The following DNAJC15 variants were observed in gnomAD, a reference collection of about 807,000 sequenced individuals.
DNAJC15 encodes the protein DnaJ heat shock protein family (Hsp40) member C15.
A neutral mutation model predicts 22.4 loss-of-function variants in DNAJC15; 27 were observed. The observed-to-expected ratio is 1.20, with a 90% CI of 0.89 to 1.66. The LOEUF (loss-of-function observed/expected upper bound fraction) is 1.66, where lower values mean the gene tolerates loss of function less well. Among genes scored for constraint, DNAJC15 ranks in the 40% most tolerant of loss-of-function variants. DNAJC15 has a pLI of 0.00. For missense variants in DNAJC15, 208 were observed against 187.1 expected (o/e 1.11, Z -0.65); for synonymous variants, 79 against 63.2 (o/e 1.25, Z -1.19).
chr13:43,049,831 A>G (rs1314497136), intron 1 of DNAJC15, among the ~76,000 whole-genome samples: 1 of 152,266 alleles, frequency 6.6e-6, no homozygotes, highest in Non-Finnish European at 1.5e-5. Flanking sequence ...TTTTTAGCAA[A>G]TAAAAAAATG....
At chr13:43,026,239 A>G (rs941452740) in intron 1 of DNAJC15, among the ~76,000 whole-genome samples, 2 of 152,236 alleles carry the variant, frequency 1.3e-5, no homozygotes, top group Non-Finnish European at 2.9e-5. Context: ...AAAACAGTGT[A>G]ATAATGATAT....
chr13:43,041,866 C>T (rs975720872), intron 1 of DNAJC15, among the ~76,000 whole-genome samples: 5 of 152,218 alleles, frequency 3.3e-5, no homozygotes, highest in African/African-American at 1.2e-4. Flanking sequence ...ATGAAGCCTA[C>T]CTCTTGCCTT....
In DNAJC15 at chr13:43,108,834, T is replaced by C. The variant is rs1217936940; in HGVS notation, c.*1586T>C. On this transcript the variant is annotated 3_prime_UTR_variant, in exon 6 of 6. Transcript: ENST00000379221. ...TTAATTACTATTTTTTCTTTTGGTT[T>C]ATAAAATAATGATCCTGAATTAAAT... 6.6e-6 allele frequency: 1 copy of C among 152,222 alleles called. No individual in the cohort carries two copies. Among genetic ancestry groups the C allele is most frequent in the Non-Finnish European group, 1.5e-5 (1 of 68,034 alleles). The allele number at this position is 152,222 out of a possible 1,614,324, so 9.4% of individuals were successfully genotyped here.
At chr13:43,058,467 C>T (rs2153440555) in intron 1 of DNAJC15, among the ~76,000 whole-genome samples, 1 of 152,202 alleles carries the variant, frequency 6.6e-6, no homozygotes, top group Non-Finnish European at 1.5e-5. Flanking sequence ...TGTCCTTGGG[C>T]AGGGCTTGCT....
intron 5 of DNAJC15, 35 bp from the exon 6 acceptor site, chr13:43,107,143 A>C: frequency 3.3e-6 from 5 of 1,514,462 alleles, no homozygotes; most frequent in Non-Finnish European, 4.4e-6. Flanking sequence ...TCAATGATGA[A>C]ATGTATTTTA....
chr13:43,045,853 C>T (rs1033919155), intron 1 of DNAJC15, among the ~76,000 whole-genome samples: 5 of 152,260 alleles, frequency 3.3e-5, no homozygotes, highest in Admixed American at 6.5e-5. Flanking sequence ...CAAATCACTG[C>T]GTAAAATAAT....
intron 5 of DNAJC15, among the ~76,000 whole-genome samples, chr13:43,104,928 A>G (rs76285138): frequency 6.6e-6 from 1 of 151,558 alleles, no homozygotes; most frequent in Non-Finnish European, 1.5e-5. Context: ...GGCTCAAGTG[A>G]TCCTCTCACC....
rs75832068 is a variant in DNAJC15 at position 43,087,204 on chromosome 13, A to C, written c.382+1366A>C. Among the ~76,000 whole-genome samples, 605 of 152,318 alleles carry C rather than the reference A, an allele frequency of 4.0e-3. 20 individuals are homozygous for C. In the East Asian group the frequency reaches 0.044, roughly 11 times the overall value. On this transcript the variant is annotated intron_variant, in intron 5 of 5. Transcript: ENST00000379221. ...TGTTTTTGGATTATTGTTCCCTCTG[A>C]GAATATATTGACAACTGTGGACTTT...
Position 43,095,180 on chromosome 13 carries a change from T to G in DNAJC15, c.382+9342T>G, listed in dbSNP as rs558567888. On this transcript the variant is annotated intron_variant, in intron 5 of 5. Transcript: ENST00000379221. The stretch of plus-strand genomic sequence containing the variant: ...CATCCAGGAGGCTGGTACAGTAATA[T>G]GAGTGAGAAATAATGATGACCTAGC... Among the ~76,000 whole-genome samples, 81 of 152,264 alleles carry G rather than the reference T, an allele frequency of 5.3e-4. No individual in the cohort carries two copies. In the South Asian group the frequency reaches 0.013, roughly 25 times the overall value.
At chr13:43,094,766 G>C (rs900866529) in intron 5 of DNAJC15, among the ~76,000 whole-genome samples, 15 of 151,946 alleles carry the variant, frequency 9.9e-5, no homozygotes, top group Non-Finnish European at 4.4e-5. Flanking sequence ...TTTTGTCTTA[G>C]CAGCTTGTGA....
rs747739713 is a variant in DNAJC15 at position 43,068,998 on chromosome 13, ACTC to A, written c.232_234del (p.Pro78del). ...CACAGAAACTGCAAAGAAGATTTCA[ACTC>A]CTGTAAGTTAAACGTGGCTTTAGTT... is the stretch of plus-strand genomic sequence containing the variant. On this transcript the variant is annotated inframe_deletion and splice_region_variant, in exon 3 of 6. Transcript: ENST00000379221. The A allele has an allele frequency of 5.6e-6, 9 of 1,611,776 alleles. No individual in the cohort carries two copies. The highest frequency in any genetic ancestry group is 2.2e-5 in the East Asian group (1 of 44,696).
At chr13:43,073,237 A>C (rs1024170466) in intron 3 of DNAJC15, among the ~76,000 whole-genome samples, 3 of 152,220 alleles carry the variant, frequency 2.0e-5, no homozygotes, top group Non-Finnish European at 4.4e-5. Context: ...TAAATAACAT[A>C]GGTGGGTTTG....
chr13:43,060,816 T>G (rs1230366784), intron 1 of DNAJC15, among the ~76,000 whole-genome samples: 2 of 152,114 alleles, frequency 1.3e-5, no homozygotes, highest in Non-Finnish European at 2.9e-5. Flanking sequence ...AACTGAGGAA[T>G]TATGTCTGAC....
At chr13:43,024,713 A>G (rs1050245694) in intron 1 of DNAJC15, among the ~76,000 whole-genome samples, 24 of 151,558 alleles carry the variant, frequency 1.6e-4, no homozygotes, top group African/African-American at 5.8e-4. Context: ...TTAACCATGT[A>G]TTTTCTTTAA....
intron 2 of DNAJC15, among the ~76,000 whole-genome samples, chr13:43,068,205 G>A (rs2040592488): frequency 6.6e-6 from 1 of 151,938 alleles, no homozygotes; most frequent in Admixed American, 6.6e-5. Context: ...ATCTGATTGG[G>A]GTGCAAAAGA....
chr13:43,093,484 C>G (rs933011088), intron 5 of DNAJC15, among the ~76,000 whole-genome samples: 9 of 152,152 alleles, frequency 5.9e-5, no homozygotes, highest in Admixed American at 2.6e-4. Context: ...GATCACAGCT[C>G]ACTTCAGCCT....
chr13:43,041,119 T>C (rs1238977491), intron 1 of DNAJC15, among the ~76,000 whole-genome samples: 1 of 152,160 alleles, frequency 6.6e-6, no homozygotes, highest in Non-Finnish European at 1.5e-5. Context: ...GGTCAGGTCT[T>C]TCCCTTCCCA....
intron 1 of DNAJC15, among the ~76,000 whole-genome samples, chr13:43,061,479 G>A (rs1456373329): frequency 6.6e-6 from 1 of 152,192 alleles, no homozygotes; most frequent in Non-Finnish European, 1.5e-5. Flanking sequence ...AATGACTCCA[G>A]CTTCCTTTGG....
At chr13:43,090,716 T>G (rs1350487609) in intron 5 of DNAJC15, among the ~76,000 whole-genome samples, 3 of 151,518 alleles carry the variant, frequency 2.0e-5, no homozygotes, top group Non-Finnish European at 2.9e-5. Flanking sequence ...TTTCTTTTTT[T>G]TTTTTTTTTG....
Sources: allele counts gnomAD v4.1 joint callset (sites outside exome capture counted in the v4.1 genomes callset), GRCh38; gene constraint gnomAD v4.1.1; transcripts MANE v1.5; gene names NCBI Gene and HGNC (gene_info 2026-07-23, HGNC 2026-07-21).